The following GRXCR1 variants were observed in gnomAD, a reference collection of about 807,000 sequenced individuals.
GRXCR1 encodes the protein glutaredoxin and cysteine rich domain containing 1.
Under a neutral mutation model 27.3 loss-of-function variants are expected in GRXCR1, and 27 were observed. The ratio of observed to expected loss-of-function variants is 0.99; its 90% CI spans 0.73 to 1.37. The LOEUF (loss-of-function observed/expected upper bound fraction) is 1.37. GRXCR1 is among the 40% of genes most tolerant of loss of function. The pLI is 0.00. For missense variants in GRXCR1, 379 were observed against 354.4 expected (o/e 1.07, Z -0.56); for synonymous variants, 122 against 131.1 (o/e 0.93, Z 0.47).
At chr4:42,934,543 A>G (rs1747411953) in intron 1 of GRXCR1, among the ~76,000 whole-genome samples, 1 of 151,882 alleles carries the variant, frequency 6.6e-6, no homozygotes, top group Non-Finnish European at 1.5e-5. Flanking sequence ...GTCACACATA[A>G]AGGAAGAAAT....
At chr4:43,016,269 C>G (rs1196025942) in intron 2 of GRXCR1, among the ~76,000 whole-genome samples, 1 of 152,144 alleles carries the variant, frequency 6.6e-6, no homozygotes. Flanking sequence ...TTCTTCTGAT[C>G]TTGAATGGAG....
At chr4:42,900,020 T>C (rs190557536) in intron 1 of GRXCR1, among the ~76,000 whole-genome samples, 1 of 152,298 alleles carries the variant, frequency 6.6e-6, no homozygotes, top group African/African-American at 2.4e-5. Context: ...TTCTAAAACT[T>C]AAAAATGCAA....
At chr4:43,022,414 C>T (rs965992628) in intron 3 of GRXCR1, among the ~76,000 whole-genome samples, 2 of 152,178 alleles carry the variant, frequency 1.3e-5, no homozygotes, top group African/African-American at 4.8e-5. Flanking sequence ...ATCTCTCTCT[C>T]TCCATCAGCT....
At chr4:42,926,149 G>A (rs542641944) in intron 1 of GRXCR1, among the ~76,000 whole-genome samples, 2 of 152,168 alleles carry the variant, frequency 1.3e-5, no homozygotes, top group Non-Finnish European at 2.9e-5. Context: ...GCTGCACTAT[G>A]TTGTAGGATT....
At position 42,915,256 on chromosome 4, in the gene GRXCR1, A is replaced by G. The variant is rs1253444845; in HGVS notation, c.384+21606A>G. 3.3e-5 allele frequency among the ~76,000 whole-genome samples: 5 copies of G among 152,110 alleles called. No individual in the cohort carries two copies. In the East Asian group the frequency reaches 5.8e-4, roughly 18 times the overall value. On this transcript the variant is annotated intron_variant, in intron 1 of 3. Coordinates refer to ENST00000399770, the MANE Select transcript of GRXCR1 (RefSeq NM_001080476.3). Reference sequence around the variant, plus strand: ...CAATGTACAGCTTGCCATCATAGCAAAGAATGGGATGGGAACGATGCAAGG... The same window carrying G: ...CAATGTACAGCTTGCCATCATAGCAGAGAATGGGATGGGAACGATGCAAGG...
intron 1 of GRXCR1, among the ~76,000 whole-genome samples, chr4:42,901,744 A>G (rs1746467052): frequency 6.6e-6 from 1 of 152,160 alleles, no homozygotes; most frequent in African/African-American, 2.4e-5. Flanking sequence ...TGTAGACTAA[A>G]TCATTGGCTT....
intron 1 of GRXCR1, among the ~76,000 whole-genome samples, chr4:42,932,452 T>TGCTTTCCA (rs1747334651): frequency 6.7e-6 from 1 of 150,010 alleles, no homozygotes. Context: ...TTCACCGCAG[T>TGCTTTCCA]TTGCCATCTC....
chr4:42,951,707 T>C (rs1403164863), intron 1 of GRXCR1, among the ~76,000 whole-genome samples: 16 of 152,206 alleles, frequency 1.1e-4, no homozygotes, highest in Admixed American at 9.2e-4. Context: ...TCTTCCACAA[T>C]GGTTGAACTA....
chr4:42,983,879 G>T (rs1711575893), intron 2 of GRXCR1, among the ~76,000 whole-genome samples: 1 of 145,414 alleles, frequency 6.9e-6, no homozygotes, highest in Admixed American at 6.9e-5. Flanking sequence ...TCTGTCACCT[G>T]GGCTGCAGTG....
At chr4:42,966,605 C>A (rs1335102981) in intron 2 of GRXCR1, among the ~76,000 whole-genome samples, 2 of 152,006 alleles carry the variant, frequency 1.3e-5, no homozygotes, top group African/African-American at 4.8e-5. Flanking sequence ...GACATGGGTG[C>A]CCAAGGAAGC....
intron 1 of GRXCR1, among the ~76,000 whole-genome samples, chr4:42,938,494 T>C (rs1747511172): frequency 6.6e-6 from 1 of 151,918 alleles, no homozygotes; most frequent in African/African-American, 2.4e-5. Context: ...ACAGTTTTAG[T>C]CTTTTAAGGA....
intron 2 of GRXCR1, among the ~76,000 whole-genome samples, chr4:43,018,949 C>T (rs1713014986): frequency 6.6e-6 from 1 of 152,160 alleles, no homozygotes; most frequent in African/African-American, 2.4e-5. Flanking sequence ...TATATATTCT[C>T]TGTAGCCCTG....
chr4:42,965,147 A>T (rs984516349), intron 2 of GRXCR1, among the ~76,000 whole-genome samples: 4 of 152,034 alleles, frequency 2.6e-5, no homozygotes, highest in African/African-American at 9.7e-5. Context: ...TAGTTTGAGG[A>T]ATCTCACAGG....
Position 43,030,597 on chromosome 4 carries a change from T to TTA in GRXCR1, c.*67_*68dup, listed in dbSNP as rs1026337233. 1.7e-5 allele frequency: 22 copies of TTA among 1,300,370 alleles called. No homozygotes were observed. The highest frequency in any genetic ancestry group is 2.9e-5 in the African/African-American group (2 of 68,450). 80.6% of individuals were successfully genotyped at this position (1,300,370 alleles called of 1,614,324 possible). On this transcript the variant is annotated 3_prime_UTR_variant, in exon 4 of 4. Coordinates refer to ENST00000399770, the MANE Select transcript of GRXCR1 (RefSeq NM_001080476.3). Reference sequence around the variant, plus strand: ...TATTAATCAAAGGCAATACTTTGGTTTATATATATATTTTTAAATGGTTAT... The same window carrying TTA: ...TATTAATCAAAGGCAATACTTTGGTTTATATATATATATTTTTAAATGGTTAT...
intron 2 of GRXCR1, among the ~76,000 whole-genome samples, chr4:43,014,342 C>T (rs1369125387): frequency 6.6e-6 from 1 of 152,096 alleles, no homozygotes; most frequent in Non-Finnish European, 1.5e-5. Context: ...TGGCCCATCT[C>T]CAAGCAGAGT....
At chr4:42,973,392 G>C (rs1404060738) in intron 2 of GRXCR1, among the ~76,000 whole-genome samples, 1 of 151,856 alleles carries the variant, frequency 6.6e-6, no homozygotes, top group Non-Finnish European at 1.5e-5. Flanking sequence ...CCAAACAGAA[G>C]TTCCATTGCC....
At chr4:42,977,860 A>G (rs1243432454) in intron 2 of GRXCR1, among the ~76,000 whole-genome samples, 1 of 151,950 alleles carries the variant, frequency 6.6e-6, no homozygotes, top group Non-Finnish European at 1.5e-5. Context: ...TTTCGGAGTC[A>G]TATCCAAAAA....
chr4:42,904,044 T>C (rs1450905), intron 1 of GRXCR1, among the ~76,000 whole-genome samples: 30,717 of 152,228 alleles, frequency 0.2, 3,822 homozygotes, highest in Admixed American at 0.3. Flanking sequence ...GGATCCTCCA[T>C]GTAGGAATGG....
intron 2 of GRXCR1, among the ~76,000 whole-genome samples, chr4:43,003,750 C>A (rs112136609): frequency 0.04 from 6,099 of 152,254 alleles, 368 homozygotes; most frequent in African/African-American, 0.13. Context: ...AATTGCCTGG[C>A]TGCTCTTAAC....
Sources: allele counts gnomAD v4.1 joint callset (sites outside exome capture counted in the v4.1 genomes callset), GRCh38; gene constraint gnomAD v4.1.1; transcripts MANE v1.5; gene names NCBI Gene and HGNC (gene_info 2026-07-23, HGNC 2026-07-21).